Variants in OPN3 observed in about 807,000 individuals in gnomAD.
OPN3 encodes opsin 3, also known as opsin-3.
OPN3 carries 29 observed loss-of-function variants against 33.8 expected under a neutral mutation model. The observed-to-expected ratio is 0.86, with a 90% CI of 0.64 to 1.17. The LOEUF is 1.17. Ranked by LOEUF, OPN3 falls within the 50% of genes most tolerant of loss-of-function variation. The pLI is 0.00. For synonymous variants in OPN3, 216 were observed against 216.1 expected (o/e 1.00, Z 0.00); for missense variants, 437 against 514.1 (o/e 0.85, Z 1.45).
intron 1 of OPN3, among the ~76,000 whole-genome samples, chr1:241,623,099 C>CAA (rs11448132): frequency 0.032 from 4,824 of 151,262 alleles, 282 homozygotes; most frequent in East Asian, 0.29. Context: ...AAACAAAAAA[C>CAA]AAAAAAAACA....
intron 1 of OPN3, 139 bp downstream of exon 1, chr1:241,639,743 G>C (rs1665040631): frequency 2.3e-6 from 2 of 856,192 alleles, no homozygotes; most frequent in South Asian, 4.4e-5. Flanking sequence ...AGCGGGGAGC[G>C]GGGCGGTGTA....
chr1:241,597,282 G>C (rs952452091), intron 3 of OPN3, among the ~76,000 whole-genome samples: 4 of 152,122 alleles, frequency 2.6e-5, no homozygotes, highest in Non-Finnish European at 5.9e-5. Context: ...TTCAAATCCT[G>C]GCACCAATAC....
At chr1:241,619,296 C>T (rs138053917) in intron 1 of OPN3, among the ~76,000 whole-genome samples, 1 of 152,218 alleles carries the variant, frequency 6.6e-6, no homozygotes. Context: ...CAGTACTGCA[C>T]GGGACACTAA....
rs779832865 is a variant in OPN3, at chr1:241,593,901, T to C, written c.*527A>G. The C allele has an allele frequency of 6.5e-6, 1 of 154,868 alleles. No homozygotes were observed. The highest frequency in any genetic ancestry group is 1.4e-5 in the Non-Finnish European group (1 of 69,730). The allele number at this position is 154,868 out of a possible 1,614,324, so 9.6% of individuals were successfully genotyped here. A position where few individuals can be genotyped will look rare whatever the true frequency, so the allele number is the denominator to read the frequency against. Reference sequence around the variant, plus strand: ...TTGTCTCTGAAACTCCTCTTTGTCATACTGCACATATAAAACGTCTTTTGT... The same window carrying C: ...TTGTCTCTGAAACTCCTCTTTGTCACACTGCACATATAAAACGTCTTTTGT... On this transcript the variant is annotated 3_prime_UTR_variant, in exon 4 of 4. Coordinates refer to ENST00000366554, the MANE Select transcript of OPN3 (RefSeq NM_014322.3).
intron 1 of OPN3, among the ~76,000 whole-genome samples, chr1:241,624,399 G>T (rs759788820): frequency 1.3e-5 from 2 of 152,204 alleles, no homozygotes; most frequent in East Asian, 1.9e-4. Flanking sequence ...ATGGGGTGTT[G>T]TTCCTCATAT....
At chr1:241,636,433 T>G (rs991419162) in intron 1 of OPN3, among the ~76,000 whole-genome samples, 7 of 152,262 alleles carry the variant, frequency 4.6e-5, no homozygotes, top group Non-Finnish European at 8.8e-5. Flanking sequence ...GCTCCACTGT[T>G]TATAGAAACA....
intron 3 of OPN3, among the ~76,000 whole-genome samples, chr1:241,596,015 A>G (rs1663498376): frequency 6.6e-6 from 1 of 152,336 alleles, no homozygotes; most frequent in East Asian, 1.9e-4. Context: ...CTTAGGAACC[A>G]GAAACATCAG....
At chr1:241,601,996 G>A (rs963726513) in intron 2 of OPN3, among the ~76,000 whole-genome samples, 4 of 152,160 alleles carry the variant, frequency 2.6e-5, no homozygotes, top group African/African-American at 7.2e-5. Context: ...GTGTTCAAGA[G>A]GCAATTGACT....
At chr1:241,632,810 G>A (rs927934931) in intron 1 of OPN3, 3 of 151,938 alleles carry the variant, frequency 2.0e-5, no homozygotes, top group South Asian at 2.1e-4. Flanking sequence ...GAAAAACCTT[G>A]GGTAATCTAT....
At chr1:241,635,454 C>A (rs374763241) in intron 1 of OPN3, 4 of 1,613,648 alleles carry the variant, frequency 2.5e-6, no homozygotes, top group East Asian at 2.2e-5. Flanking sequence ...TCCTGACTGG[C>A]GTAGCAAAAA....
intron 1 of OPN3, among the ~76,000 whole-genome samples, chr1:241,625,465 T>G (rs552106990): frequency 2.6e-5 from 4 of 152,306 alleles, no homozygotes; most frequent in African/African-American, 9.6e-5. Context: ...TCATTTCTAT[T>G]AATATAATTG....
chr1:241,595,434 T>G (rs1380842827), intron 3 of OPN3: 1 of 152,214 alleles, frequency 6.6e-6, no homozygotes, highest in Non-Finnish European at 1.5e-5. Context: ...ATTATTAGAC[T>G]GAACTGTGAC....
At position 241,597,872 on chromosome 1, in the gene OPN3, C is replaced by G; in HGVS notation, c.819G>C (p.Val273=). The change falls in exon 3 of 4, where the codon GTG becomes GTC. Residue 273 remains valine (V), a synonymous_variant. Coordinates refer to ENST00000366554, the MANE Select transcript of OPN3 (RefSeq NM_014322.3). The part of the protein sequence containing the change: ...TFLVCWMPYI[V]ICFLVVNGHG... Reference sequence around the variant, plus strand: ...GACCATTAACCACCAAGAAGCAGATCACGATATAAGGCATCCAACAGACCA... The same window carrying G: ...GACCATTAACCACCAAGAAGCAGATGACGATATAAGGCATCCAACAGACCA... 1 of 1,613,796 alleles carries G rather than the reference C, an allele frequency of 6.2e-7. No homozygotes were observed. Among genetic ancestry groups the G allele is most frequent in the Non-Finnish European group, 8.5e-7 (1 of 1,179,956 alleles).
At chr1:241,595,548 G>A (rs1663481140) in intron 3 of OPN3, 1 of 152,178 alleles carries the variant, frequency 6.6e-6, no homozygotes, top group Non-Finnish European at 1.5e-5. Flanking sequence ...AAAAGTTAAT[G>A]TAATTGTTAT....
chr1:241,608,716 T>A (rs1663904503), intron 1 of OPN3, among the ~76,000 whole-genome samples: 1 of 152,224 alleles, frequency 6.6e-6, no homozygotes, highest in Non-Finnish European at 1.5e-5. Context: ...CTAATATCGT[T>A]TTTGATCAAG....
intron 1 of OPN3, among the ~76,000 whole-genome samples, chr1:241,622,681 C>T (rs563404331): frequency 1.3e-5 from 2 of 152,298 alleles, no homozygotes; most frequent in Admixed American, 6.5e-5. Context: ...TGGTTTCACC[C>T]AGCCTCTTTG....
intron 2 of OPN3, among the ~76,000 whole-genome samples, chr1:241,601,572 G>A (rs1226252336): frequency 6.6e-6 from 1 of 152,108 alleles, no homozygotes. Flanking sequence ...CAGGCATGGT[G>A]GTGGGCACCT....
rs142155761 is a variant in OPN3 at position 241,634,705 on chromosome 1, T to C, written c.373+5177A>G. On this transcript the variant is annotated intron_variant, in intron 1 of 3. Coordinates refer to ENST00000366554, the MANE Select transcript of OPN3 (RefSeq NM_014322.3). ...AGTTTTTAGTTGCGTTAAGACCATC[T>C]ATTGTAGTGCAAGATGATTCTGATG... 564 of 1,614,010 alleles carry C rather than the reference T, an allele frequency of 3.5e-4. 2 individuals carry two copies. The African/African-American group carries it at 6.7e-3, about 19-fold the overall frequency.
At chr1:241,611,046 T>C (rs1447996734) in intron 1 of OPN3, among the ~76,000 whole-genome samples, 6 of 152,160 alleles carry the variant, frequency 3.9e-5, no homozygotes, top group African/African-American at 1.4e-4. Context: ...CTTTAAGTAG[T>C]AGAAAGTGGG....
Sources: allele counts gnomAD v4.1 joint callset (sites outside exome capture counted in the v4.1 genomes callset), GRCh38; gene constraint gnomAD v4.1.1; transcripts MANE v1.5; gene names NCBI Gene and HGNC (gene_info 2026-07-23, HGNC 2026-07-21).